The following GPC3 variants were observed in gnomAD, a reference collection of about 807,000 sequenced individuals.
The protein encoded by GPC3 is glypican 3, also known as glypican-3.
A neutral mutation model predicts 34.4 loss-of-function variants in GPC3; 3 were observed. The observed-to-expected ratio is 0.09, with a 90% CI of 0.04 to 0.23. GPC3 has a LOEUF of 0.23. Among genes scored for constraint, GPC3 ranks in the 10% least tolerant of loss-of-function variants. GPC3 has a pLI of 1.00. For synonymous variants in GPC3, 177 were observed against 174.0 expected (o/e 1.02, Z -0.13); for missense variants, 351 against 445.6 (o/e 0.79, Z 1.91).
chrX:133,939,737 C>G (rs760038760), intron 2 of GPC3, among the ~76,000 whole-genome samples: 3 of 111,872 alleles, frequency 2.7e-5, no homozygotes, highest in Non-Finnish European at 3.8e-5. Context: ...TCTAAAATGC[C>G]TGTAAGACAA....
intron 2 of GPC3, among the ~76,000 whole-genome samples, chrX:133,929,327 CTTTT>C (rs1057402017): frequency 8.9e-6 from 1 of 111,842 alleles, no homozygotes; most frequent in Non-Finnish European, 1.9e-5. Context: ...TTGTTTCTTT[CTTTT>C]TGTTTTTTCA....
intron 2 of GPC3, among the ~76,000 whole-genome samples, chrX:133,895,466 G>C (rs1224319353): frequency 1.8e-5 from 2 of 111,416 alleles, no homozygotes; most frequent in Non-Finnish European, 3.8e-5. Flanking sequence ...TTTCCTCATA[G>C]AATGCGATTC....
intron 2 of GPC3, among the ~76,000 whole-genome samples, chrX:133,914,944 A>AATAT (rs35086661): frequency 0.087 from 4,321 of 49,817 alleles, 238 homozygotes; most frequent in Non-Finnish European, 0.1. Flanking sequence ...TCAAACTGGA[A>AATAT]ATATATATAT....
At chrX:133,951,353 T>C (rs982042325) in intron 2 of GPC3, among the ~76,000 whole-genome samples, 2 of 110,447 alleles carry the variant, frequency 1.8e-5, no homozygotes, top group African/African-American at 3.3e-5. Context: ...CTCAGATACA[T>C]AGCCATGTCA....
chrX:133,639,363 G>C (rs1468370056), intron 6 of GPC3, among the ~76,000 whole-genome samples: 1 of 112,010 alleles, frequency 8.9e-6, no homozygotes, highest in Non-Finnish European at 1.9e-5. Flanking sequence ...TCTCTTCTAT[G>C]AGGCCAAAGG....
intron 6 of GPC3, among the ~76,000 whole-genome samples, chrX:133,638,430 G>A (rs1359544380): frequency 8.9e-6 from 1 of 111,736 alleles, no homozygotes; most frequent in Non-Finnish European, 1.9e-5. Flanking sequence ...TGTCTAGGAA[G>A]GGAGTGACAC....
chrX:133,795,980 T>C (rs7892431), intron 2 of GPC3, among the ~76,000 whole-genome samples: 23 of 102,167 alleles, frequency 2.3e-4, no homozygotes, highest in East Asian at 2.1e-3. Flanking sequence ...GAGTCTCGCT[T>C]TGTCCCCCAG....
At chrX:133,908,821 C>G (rs1383867088) in intron 2 of GPC3, among the ~76,000 whole-genome samples, 1 of 111,816 alleles carries the variant, frequency 8.9e-6, no homozygotes, top group Non-Finnish European at 1.9e-5. Context: ...TAAACTGCTG[C>G]CAAGTCACAT....
At chrX:133,593,330 C>CAAA (rs756083308) in intron 7 of GPC3, among the ~76,000 whole-genome samples, 2 of 9,883 alleles carry the variant, frequency 2.0e-4, no homozygotes, top group African/African-American at 6.9e-4. Flanking sequence ...GAGACTGTCT[C>CAAA]AAAAAAAAAA....
intron 6 of GPC3, among the ~76,000 whole-genome samples, chrX:133,642,432 T>TA (rs1230255233): frequency 1.8e-5 from 2 of 111,059 alleles, no homozygotes; most frequent in Non-Finnish European, 1.9e-5. Flanking sequence ...CTAAAATCAC[T>TA]AGCTTCTCGA....
chrX:133,923,126 G>A lies in GPC3; in HGVS notation c.337+29924C>T, dbSNP rs201623808. The stretch of plus-strand genomic sequence containing the variant: ...GAGCACCCTTTACCAACACATACAC[G>A]CGTGTACACACACACACACACACAC... On this transcript the variant is annotated intron_variant, in intron 2 of 7. Transcript: ENST00000370818. Among the ~76,000 whole-genome samples the A allele has an allele frequency of 3.7e-4, 40 of 109,421 alleles. No homozygotes were observed. The East Asian group carries it at 8.9e-3, about 24-fold the overall frequency.
At chrX:133,770,866 A>G (rs1306832340) in intron 2 of GPC3, among the ~76,000 whole-genome samples, 1 of 111,992 alleles carries the variant, frequency 8.9e-6, no homozygotes, top group East Asian at 2.8e-4. Flanking sequence ...TTCTTCTAGG[A>G]GTTTCACCCT....
chrX:133,869,724 C>T (rs2075985411), intron 2 of GPC3, among the ~76,000 whole-genome samples: 1 of 111,761 alleles, frequency 8.9e-6, no homozygotes, highest in African/African-American at 3.3e-5. Flanking sequence ...GAGGCCGGCA[C>T]ATCACGAGGT....
chrX:133,707,368 T>G (rs139263843), intron 3 of GPC3, among the ~76,000 whole-genome samples: 132 of 111,887 alleles, frequency 1.2e-3, no homozygotes, highest in African/African-American at 4.1e-3. Context: ...AAAAAGTTAT[T>G]TGAAACTGTG....
At chrX:133,937,331 AAAGATAATTG>A (rs2076327602) in intron 2 of GPC3, among the ~76,000 whole-genome samples, 2 of 111,359 alleles carry the variant, frequency 1.8e-5, no homozygotes, top group Admixed American at 1.9e-4. Context: ...ATAAACCTAC[AAAGATAATTG>A]AAGCTATATT....
intron 2 of GPC3, among the ~76,000 whole-genome samples, chrX:133,857,545 C>T (rs1163767302): frequency 9.0e-6 from 1 of 111,653 alleles, no homozygotes; most frequent in East Asian, 2.8e-4. Context: ...GGTCCCATCA[C>T]CAACACATAG....
At chrX:133,573,182 G>A (rs2069648006) in intron 7 of GPC3, among the ~76,000 whole-genome samples, 1 of 111,578 alleles carries the variant, frequency 9.0e-6, no homozygotes, top group Admixed American at 9.5e-5. Context: ...GATAGAAATA[G>A]AAAAAGCATT....
intron 3 of GPC3, among the ~76,000 whole-genome samples, chrX:133,726,669 C>T (rs1438123452): frequency 9.0e-6 from 1 of 111,422 alleles, no homozygotes; most frequent in Admixed American, 9.6e-5. Flanking sequence ...ATTCCTTCTC[C>T]CCTTCTTCCC....
In GPC3 at chrX:133,958,724, C is replaced by CAA. The variant is rs1180723052; in HGVS notation, c.176-5515_176-5514dup. The stretch of plus-strand genomic sequence containing the variant: ...CATCTCTACTGAAAAAAAAAAAAAA[C>CAA]AAAAAAAAAAAACAGCCAGGCAATG... On this transcript the variant is annotated intron_variant, in intron 1 of 7. Coordinates refer to ENST00000370818, the MANE Select transcript of GPC3 (RefSeq NM_004484.4). Among the ~76,000 whole-genome samples the CAA allele has an allele frequency of 3.3e-3, 251 of 76,468 alleles. 1 individual carries two copies. The highest frequency in any genetic ancestry group is 0.011 in the African/African-American group (239 of 20,954). 66.4% of individuals were successfully genotyped at this position (76,468 alleles called of 115,157 possible).
Sources: allele counts gnomAD v4.1 joint callset (sites outside exome capture counted in the v4.1 genomes callset), GRCh38; gene constraint gnomAD v4.1.1; transcripts MANE v1.5; gene names NCBI Gene and HGNC (gene_info 2026-07-23, HGNC 2026-07-21).